LYPD5: variants seen among roughly 807,000 people sequenced by gnomAD.
LYPD5 encodes the protein LY6/PLAUR domain containing 5.
A neutral mutation model predicts 19.1 loss-of-function variants in LYPD5; 21 were observed. The observed-to-expected ratio is 1.10, with a 90% CI of 0.78 to 1.58. The LOEUF is 1.58. Ranked by LOEUF, LYPD5 falls within the 40% of genes most tolerant of loss-of-function variation. The probability of loss-of-function intolerance (pLI) is 0.00; values close to 1 mark genes in which losing one functional copy is unlikely to be tolerated. For missense variants in LYPD5, 287 were observed against 329.8 expected (o/e 0.87, Z 1.00); for synonymous variants, 128 against 142.7 (o/e 0.90, Z 0.74).
chr19:43,804,189 G>A (rs1236926554), upstream of LYPD5, among the ~76,000 whole-genome samples: 3 of 152,086 alleles, frequency 2.0e-5, no homozygotes, highest in African/African-American at 4.8e-5. Context: ...TCTTGCCAGC[G>A]TTACAACCCA....
chr19:43,807,775 G>T (rs1432068863), intron 1 of LYPD5, among the ~76,000 whole-genome samples: 1 of 152,178 alleles, frequency 6.6e-6, no homozygotes, highest in Non-Finnish European at 1.5e-5. Flanking sequence ...TCAATCCAAG[G>T]GTTCAGTGCA....
intron 1 of LYPD5, among the ~76,000 whole-genome samples, chr19:43,818,116 A>G (rs1970388747): frequency 6.6e-6 from 1 of 152,178 alleles, no homozygotes; most frequent in Non-Finnish European, 1.5e-5. Flanking sequence ...GAGGAAAACA[A>G]CCATAGGGTG....
chr19:43,800,596 A>G (rs1970209922), intron 1 of LYPD5, among the ~76,000 whole-genome samples: 1 of 152,200 alleles, frequency 6.6e-6, no homozygotes, highest in East Asian at 1.9e-4. Flanking sequence ...AAGCACAAAT[A>G]AAACCAGAGG....
At chr19:43,808,060 A>G (rs1002840205) in intron 1 of LYPD5, among the ~76,000 whole-genome samples, 3 of 152,262 alleles carry the variant, frequency 2.0e-5, no homozygotes, top group African/African-American at 7.2e-5. Context: ...TCCTCAGTTG[A>G]AAAAATTGAT....
chr19:43,799,697 G>T lies in LYPD5; in HGVS notation c.193+9C>A. Reference sequence around the variant, plus strand: ...CTCTCATCCCTGTCCCCCGGCTCCCGCTCCTTACCGGTGTCCAGAGACAGG... The same window carrying T: ...CTCTCATCCCTGTCCCCCGGCTCCCTCTCCTTACCGGTGTCCAGAGACAGG... On this transcript the variant is annotated intron_variant, in intron 2 of 4. Coordinates refer to ENST00000377950, the MANE Select transcript of LYPD5 (RefSeq NM_001031749.3). The T allele has an allele frequency of 6.2e-7, 1 of 1,609,856 alleles. No individual in the cohort carries two copies. The highest frequency in any genetic ancestry group is 8.5e-7 in the Non-Finnish European group (1 of 1,178,278).
intron 1 of LYPD5, among the ~76,000 whole-genome samples, chr19:43,818,418 T>C (rs1277081331): frequency 6.6e-6 from 1 of 152,180 alleles, no homozygotes; most frequent in Non-Finnish European, 1.5e-5. Flanking sequence ...CAAGTGTAAT[T>C]GATTGTTTAA....
chr19:43,798,975 C>A lies in LYPD5; in HGVS notation c.207G>T (p.Pro69=). The A allele has an allele frequency of 6.3e-7, 1 of 1,575,054 alleles. No individual in the cohort carries two copies. Among genetic ancestry groups the A allele is most frequent in the African/African-American group, 1.3e-5 (1 of 74,424 alleles). The part of the protein sequence containing the change: ...ILSLDTGYRA[P]VTLVRKGCWT... ...AGCAGCCCTTCCGCACCAGGGTCACCGGCGCGCGATACCCTGGGGGCGGGA... is the reference window on the plus strand; with the variant it reads ...AGCAGCCCTTCCGCACCAGGGTCACAGGCGCGCGATACCCTGGGGGCGGGA... Residue 69 remains proline (P), a synonymous_variant, in exon 3 of 5, where the codon CCG becomes CCT. Coordinates refer to ENST00000377950, the MANE Select transcript of LYPD5 (RefSeq NM_001031749.3).
intron 1 of LYPD5, among the ~76,000 whole-genome samples, chr19:43,808,088 T>C (rs1970286600): frequency 6.6e-6 from 1 of 152,254 alleles, no homozygotes; most frequent in African/African-American, 2.4e-5. Context: ...TACTTTTCTG[T>C]CTACCGTTAC....
At chr19:43,807,066 C>T (rs10423679), upstream of LYPD5, among the ~76,000 whole-genome samples, 14,445 of 152,168 alleles carry the variant, frequency 0.095, 847 homozygotes, top group Non-Finnish European at 0.13. Context: ...GTGGATACAC[C>T]GCATTCTATT....
intron 1 of LYPD5, among the ~76,000 whole-genome samples, chr19:43,808,290 G>A (rs1970288278): frequency 6.6e-6 from 1 of 152,118 alleles, no homozygotes; most frequent in Admixed American, 6.6e-5. Flanking sequence ...ATATTTAGTA[G>A]AGACGGGGTT....
At chr19:43,819,338 G>A (rs745742338) in intron 1 of LYPD5, among the ~76,000 whole-genome samples, 3 of 139,264 alleles carry the variant, frequency 2.2e-5, no homozygotes, top group South Asian at 2.3e-4. Flanking sequence ...AGGTTGGAGC[G>A]TAGTGGCATG....
At chr19:43,798,698 G>C in intron 3 of LYPD5, 97 bp from the exon 4 acceptor site, 1 of 1,583,354 alleles carries the variant, frequency 6.3e-7, no homozygotes, top group African/African-American at 1.3e-5. Context: ...GCACGTCTCG[G>C]GGGTTGGGAT....
chr19:43,815,128 G>A (rs940182635), intron 1 of LYPD5, among the ~76,000 whole-genome samples: 1 of 152,164 alleles, frequency 6.6e-6, no homozygotes, highest in African/African-American at 2.4e-5. Flanking sequence ...CAGGGAGATT[G>A]CATCGCAGGC....
At chr19:43,817,824 C>T (rs541517016) in intron 1 of LYPD5, among the ~76,000 whole-genome samples, 3 of 152,034 alleles carry the variant, frequency 2.0e-5, no homozygotes, top group South Asian at 4.1e-4. Context: ...TCAAGCTATT[C>T]CCCTGCCTCA....
chr19:43,799,049 C>T, intron 2 of LYPD5, 61 bp from the exon 3 acceptor site: 1 of 1,489,992 alleles, frequency 6.7e-7, no homozygotes, highest in Non-Finnish European at 9.0e-7. Context: ...CCAGTCTCAG[C>T]GTTCTTCCTC....
intron 1 of LYPD5, among the ~76,000 whole-genome samples, chr19:43,814,587 G>C: frequency 6.6e-6 from 1 of 152,186 alleles, no homozygotes; most frequent in East Asian, 1.9e-4. Context: ...ACCCACCTCT[G>C]AGTAGTGGTC....
chr19:43,798,392 C>T (rs976319649), intron 4 of LYPD5, 63 bp downstream of exon 4: 2 of 1,579,186 alleles, frequency 1.3e-6, no homozygotes, highest in South Asian at 2.2e-5. Context: ...GGTATCACTA[C>T]CCTCATGGCT....
At chr19:43,797,964 G>A in intron 4 of LYPD5, 135 bp from the exon 5 acceptor site, 1 of 691,266 alleles carries the variant, frequency 1.4e-6, no homozygotes, top group Non-Finnish European at 2.5e-6. Context: ...CCAGGGCCAG[G>A]CCTCCCTCAG....
At chr19:43,815,945 G>C (rs1012993845) in intron 1 of LYPD5, among the ~76,000 whole-genome samples, 9 of 152,022 alleles carry the variant, frequency 5.9e-5, no homozygotes, top group African/African-American at 2.2e-4. Context: ...TGTTGGCCAG[G>C]CTGGTCTCGA....
Sources: allele counts gnomAD v4.1 joint callset (sites outside exome capture counted in the v4.1 genomes callset), GRCh38; gene constraint gnomAD v4.1.1; transcripts MANE v1.5; gene names NCBI Gene and HGNC (gene_info 2026-07-23, HGNC 2026-07-21).